The following CCNB3 variants were observed in gnomAD, a reference collection of about 807,000 sequenced individuals.
CCNB3 encodes the protein cyclin B3, also known as G2/mitotic-specific cyclin-B3.
In CCNB3, 12 loss-of-function variants were observed where a neutral mutation model predicts 68.0. The ratio of observed to expected loss-of-function variants is 0.18; its 90% confidence interval spans 0.11 to 0.29. The LOEUF is 0.29. CCNB3 is among the 10% of genes least tolerant of loss of function. CCNB3 has a pLI of 1.00. For synonymous variants in CCNB3, 354 were observed against 388.9 expected (o/e 0.91, Z 1.06); for missense variants, 904 against 993.1 (o/e 0.91, Z 1.21).
At chrX:50,301,462 C>T (rs1341172290) in intron 5 of CCNB3, among the ~76,000 whole-genome samples, 8 of 111,675 alleles carry the variant, frequency 7.2e-5, no homozygotes, top group African/African-American at 1.3e-4. Flanking sequence ...ATTGGTGAAC[C>T]GCAAATGTTG....
intron 1 of CCNB3, among the ~76,000 whole-genome samples, chrX:50,216,012 G>A (rs1169989576): frequency 3.2e-5 from 3 of 93,166 alleles, no homozygotes; most frequent in Non-Finnish European, 6.3e-5. Flanking sequence ...GCAATGGTGC[G>A]GTCTCGGCTC....
intron 8 of CCNB3, among the ~76,000 whole-genome samples, chrX:50,332,923 C>T (rs982459762): frequency 8.1e-5 from 9 of 111,288 alleles, no homozygotes; most frequent in Admixed American, 7.6e-4. Context: ...TGCCTGGAAG[C>T]CCCCCCGTAG....
At chrX:50,280,983 A>G (rs1936126280) in intron 1 of CCNB3, among the ~76,000 whole-genome samples, 1 of 108,763 alleles carries the variant, frequency 9.2e-6, no homozygotes, top group East Asian at 2.9e-4. Context: ...CTCATCTCCA[A>G]CTCCTGTCCT....
chrX:50,334,696 A>T, intron 8 of CCNB3, among the ~76,000 whole-genome samples: 1 of 112,374 alleles, frequency 8.9e-6, no homozygotes, highest in East Asian at 2.8e-4. Context: ...TAGTCCTGGG[A>T]CTGGGGGCCG....
intron 1 of CCNB3, among the ~76,000 whole-genome samples, chrX:50,206,887 C>A (rs1278410268): frequency 9.0e-6 from 1 of 111,687 alleles, no homozygotes; most frequent in Non-Finnish European, 1.9e-5. Flanking sequence ...CAACTGCACT[C>A]CAGCCTCCTG....
chrX:50,298,898 A>G (rs1393009078), intron 5 of CCNB3, among the ~76,000 whole-genome samples: 10 of 112,165 alleles, frequency 8.9e-5, no homozygotes, highest in African/African-American at 2.9e-4. Flanking sequence ...CATTTCTTCT[A>G]GAATTTCTAG....
At chrX:50,345,461 C>T (rs893419324) in intron 9 of CCNB3, among the ~76,000 whole-genome samples, 1 of 108,683 alleles carries the variant, frequency 9.2e-6, no homozygotes, top group East Asian at 3.0e-4. Flanking sequence ...TCCCTTGCTC[C>T]CTCACCTGCT....
chrX:50,348,134 C>T (rs1283894228), intron 11 of CCNB3, among the ~76,000 whole-genome samples: 1 of 110,907 alleles, frequency 9.0e-6, no homozygotes, highest in Non-Finnish European at 1.9e-5. Flanking sequence ...CTCAGCAAGA[C>T]TGGCCCCTGA....
At position 50,309,546 on chromosome X, in the gene CCNB3, G is replaced by GTC; in HGVS notation, c.1380_1381dup (p.Pro461LeufsTer30). 8.3e-7 allele frequency: 1 copy of GTC among 1,211,447 alleles called. No homozygotes were observed. Among genetic ancestry groups the GTC allele is most frequent in the Non-Finnish European group, 1.1e-6 (1 of 895,411 alleles). On this transcript the variant is annotated frameshift_variant, in exon 6 of 13. Coordinates refer to ENST00000376042, the MANE Select transcript of CCNB3 (RefSeq NM_033031.3). LOFTEE classifies it high-confidence loss of function. ...TAAAGGAGCCCTCGTCCTTGCTAAA[G>GTC]TCTCCAACTGAGGAGTCACCTTTTG... is the stretch of plus-strand genomic sequence containing the variant.
chrX:50,302,305 C>A (rs1317047604), intron 5 of CCNB3, among the ~76,000 whole-genome samples: 2 of 111,991 alleles, frequency 1.8e-5, no homozygotes, highest in African/African-American at 6.5e-5. Flanking sequence ...GCAGGGCAAT[C>A]CTCACAAATG....
At chrX:50,280,961 A>C (rs1282120510) in intron 1 of CCNB3, among the ~76,000 whole-genome samples, 3 of 109,227 alleles carry the variant, frequency 2.7e-5, no homozygotes, top group Non-Finnish European at 5.7e-5. Context: ...GGGTTTTTCC[A>C]TGTTGCCCAG....
At chrX:50,334,772 C>T (rs782720163) in intron 8 of CCNB3, among the ~76,000 whole-genome samples, 2 of 112,470 alleles carry the variant, frequency 1.8e-5, no homozygotes, top group Admixed American at 9.3e-5. Flanking sequence ...AAAAGGCTCC[C>T]AGTCGCCTCC....
intron 5 of CCNB3, among the ~76,000 whole-genome samples, chrX:50,307,342 A>G (rs952511832): frequency 3.6e-5 from 4 of 111,453 alleles, no homozygotes; most frequent in African/African-American, 9.8e-5. Flanking sequence ...TATAGGTGAA[A>G]AAAACTGAAG....
intron 5 of CCNB3, among the ~76,000 whole-genome samples, chrX:50,301,442 A>G (rs1242764904): frequency 2.7e-5 from 3 of 111,804 alleles, no homozygotes; most frequent in Non-Finnish European, 3.8e-5. Flanking sequence ...GTGGCTGCAG[A>G]ACAGCAGATA....
intron 8 of CCNB3, among the ~76,000 whole-genome samples, chrX:50,317,506 C>G (rs1028192056): frequency 1.9e-5 from 2 of 108,011 alleles, no homozygotes; most frequent in African/African-American, 3.4e-5. Context: ...TATTCTGTCT[C>G]TCTCTCTCAT....
In CCNB3 at chrX:50,226,329, AAT is replaced by A. The variant is rs1328211936; in HGVS notation, c.-113+21389_-113+21390del. On this transcript the variant is annotated intron_variant, in intron 1 of 12. Transcript: ENST00000376042. The stretch of plus-strand genomic sequence containing the variant: ...AGAAATATATAAACATATATATAGA[AAT>A]ATATATATAGAATATATATAAAAAT... 5.0e-3 allele frequency among the ~76,000 whole-genome samples: 253 copies of A among 50,165 alleles called. 2 individuals are homozygous for A. The highest frequency in any genetic ancestry group is 0.014 in the African/African-American group (178 of 12,487). The allele number at this position is 50,165 out of a possible 115,157, so 43.6% of individuals were successfully genotyped here.
chrX:50,285,733 A>G (rs1433696523), intron 3 of CCNB3, among the ~76,000 whole-genome samples: 2 of 111,799 alleles, frequency 1.8e-5, no homozygotes, highest in African/African-American at 6.5e-5. Flanking sequence ...TTCTGTGTTC[A>G]TCATCATACA....
chrX:50,328,546 C>CATGAGGGG (rs1557217631), intron 8 of CCNB3, among the ~76,000 whole-genome samples: 5 of 111,711 alleles, frequency 4.5e-5, no homozygotes, highest in Admixed American at 3.8e-4. Context: ...CCAAACACCT[C>CATGAGGGG]CCACCAGGCC....
intron 1 of CCNB3, among the ~76,000 whole-genome samples, chrX:50,219,022 C>G (rs1935628594): frequency 8.9e-6 from 1 of 111,764 alleles, no homozygotes; most frequent in Non-Finnish European, 1.9e-5. Flanking sequence ...CTCTGGTGAC[C>G]AGTGATGATG....
Sources: gnomAD v4.1 joint callset for allele counts (sites outside exome capture counted in the v4.1 genomes callset) on GRCh38, gnomAD v4.1.1 for gene constraint, MANE v1.5 for transcripts, NCBI Gene and HGNC (gene_info 2026-07-23, HGNC 2026-07-21) for gene names.